The following PTBP3 variants were observed in gnomAD, a reference collection of about 807,000 sequenced individuals.
PTBP3 encodes the protein polypyrimidine tract binding protein 3, also known as polypyrimidine tract-binding protein 3.
PTBP3 carries 20 observed loss-of-function variants against 58.7 expected under a neutral mutation model. The ratio of observed to expected loss-of-function variants is 0.34; its 90% CI spans 0.24 to 0.50. PTBP3 has a LOEUF of 0.50. Ranked by LOEUF, PTBP3 falls within the 20% of genes least tolerant of loss-of-function variation. The pLI is 0.98. For synonymous variants in PTBP3, 185 were observed against 219.8 expected (o/e 0.84, Z 1.40); for missense variants, 509 against 637.2 (o/e 0.80, Z 2.17).
At chr9:112,355,941 C>CTTTTCTTTT in the PTBP3 span, among the ~76,000 whole-genome samples, 7 of 151,728 alleles carry the variant, frequency 4.6e-5, no homozygotes, top group Middle Eastern at 3.4e-3. Context: ...TCTTTCTTTT[C>CTTTTCTTTT]TTTTCTTTCT....
intron 7 of PTBP3, among the ~76,000 whole-genome samples, chr9:112,244,966 A>G (rs1294731810): frequency 6.6e-6 from 1 of 152,236 alleles, no homozygotes; most frequent in Non-Finnish European, 1.5e-5. Flanking sequence ...TAATGACAAA[A>G]GGAGACAACT....
chr9:112,224,098 T>C (rs767724691), intron 13 of PTBP3, 35 bp downstream of exon 13: 5 of 1,551,772 alleles, frequency 3.2e-6, no homozygotes, highest in Non-Finnish European at 3.5e-6. Flanking sequence ...CCATATTAAA[T>C]AATTTTAATG....
chr9:112,325,759 C>T (rs1372982526), intron 1 of PTBP3, among the ~76,000 whole-genome samples: 1 of 152,148 alleles, frequency 6.6e-6, no homozygotes, highest in Non-Finnish European at 1.5e-5. Flanking sequence ...CACGGTGGCT[C>T]ATGCCTGTAA....
At chr9:112,241,616 T>C (rs959193379) in intron 7 of PTBP3, among the ~76,000 whole-genome samples, 8 of 152,210 alleles carry the variant, frequency 5.3e-5, no homozygotes, top group Admixed American at 4.6e-4. Flanking sequence ...GTCTAGGTGT[T>C]TAGTAGGCTA....
At chr9:112,273,139 G>C (rs1353336730) in intron 3 of PTBP3, among the ~76,000 whole-genome samples, 1 of 152,172 alleles carries the variant, frequency 6.6e-6, no homozygotes, top group African/African-American at 2.4e-5. Context: ...AGTGATGTTA[G>C]CCATGTGACA....
chr9:112,233,387 T>C, intron 8 of PTBP3, among the ~76,000 whole-genome samples: 1 of 151,498 alleles, frequency 6.6e-6, no homozygotes, highest in East Asian at 1.9e-4. Context: ...TTTCTTAATA[T>C]TAATTAATAT....
At chr9:112,269,028 T>C (rs563400929) in intron 3 of PTBP3, among the ~76,000 whole-genome samples, 87 of 151,998 alleles carry the variant, frequency 5.7e-4, no homozygotes, top group Non-Finnish European at 6.2e-4. Context: ...AAACCCTGTC[T>C]CTACTAAAAC....
At chr9:112,376,362 T>A in the PTBP3 span, among the ~76,000 whole-genome samples, 1 of 149,592 alleles carries the variant, frequency 6.7e-6, no homozygotes, top group African/African-American at 2.5e-5. Context: ...CAAGCGATTC[T>A]CCTGCCTTAG....
intron 4 of PTBP3, 25 bp from the exon 5 acceptor site, chr9:112,262,624 C>CTTT: frequency 6.5e-7 from 1 of 1,527,892 alleles, no homozygotes; most frequent in Non-Finnish European, 8.8e-7. Context: ...AAAATGAGAA[C>CTTT]TTTTGATTAT....
chr9:112,292,603 G>A (rs1302701645), intron 2 of PTBP3, among the ~76,000 whole-genome samples: 1 of 152,126 alleles, frequency 6.6e-6, no homozygotes, highest in African/African-American at 2.4e-5. Flanking sequence ...CTACAAAAAA[G>A]GGAAACCCTT....
upstream of PTBP3, among the ~76,000 whole-genome samples, chr9:112,337,987 A>G (rs1830590053): frequency 6.6e-6 from 1 of 152,250 alleles, no homozygotes; most frequent in Non-Finnish European, 1.5e-5. Context: ...CAAATACAAA[A>G]TCATCATAAT....
intron 1 of PTBP3, among the ~76,000 whole-genome samples, chr9:112,313,539 C>G (rs1192693233): frequency 6.6e-6 from 1 of 152,188 alleles, no homozygotes; most frequent in Non-Finnish European, 1.5e-5. Context: ...CATGGCTTAG[C>G]TAGGTCCTCT....
chr9:112,222,363 A>T lies in PTBP3; in HGVS notation c.*1488T>A. 3 of 985,652 alleles carry T rather than the reference A, an allele frequency of 3.0e-6. No individual in the cohort carries two copies. Among genetic ancestry groups the T allele is most frequent in the Non-Finnish European group, 3.6e-6 (3 of 829,778 alleles). The allele number at this position is 985,652 out of a possible 1,614,324, so 61.1% of individuals were successfully genotyped here. ...TATGAGAAATAACCCACCTTCTCAT[A>T]CTCCAAATACGTGGGTACTCAGTAA... is the stretch of plus-strand genomic sequence containing the variant. On this transcript the variant is annotated 3_prime_UTR_variant, in exon 14 of 14. Transcript: ENST00000374257.
intron 2 of PTBP3, among the ~76,000 whole-genome samples, chr9:112,295,419 G>GA (rs36030832): frequency 0.83 from 118,699 of 142,476 alleles, 49,561 homozygotes; most frequent in African/African-American, 0.92. Context: ...AAGATTGGAG[G>GA]AAAAAAAAAA....
At chr9:112,362,539 T>C in the PTBP3 span, among the ~76,000 whole-genome samples, 3 of 152,250 alleles carry the variant, frequency 2.0e-5, no homozygotes, top group African/African-American at 4.8e-5. Context: ...TCTTCTTTTT[T>C]TTCCCTTCTG....
intron 2 of PTBP3, among the ~76,000 whole-genome samples, chr9:112,284,404 T>A (rs1389272582): frequency 1.3e-5 from 2 of 152,130 alleles, no homozygotes; most frequent in African/African-American, 4.8e-5. Flanking sequence ...AGCCTTAAGA[T>A]TTAATGACTG....
chr9:112,337,570 T>G (rs969749884), upstream of PTBP3, among the ~76,000 whole-genome samples: 5 of 152,232 alleles, frequency 3.3e-5, no homozygotes, highest in Admixed American at 3.3e-4. Context: ...TTCTATATAC[T>G]GGCTTCTTGA....
At chr9:112,311,906 G>A (rs1829495746) in intron 1 of PTBP3, among the ~76,000 whole-genome samples, 1 of 152,146 alleles carries the variant, frequency 6.6e-6, no homozygotes, top group South Asian at 2.1e-4. Flanking sequence ...CTAGGATCGT[G>A]CCTGTGAGTA....
chr9:112,298,335 T>C (rs764732755), intron 1 of PTBP3, among the ~76,000 whole-genome samples: 1 of 152,216 alleles, frequency 6.6e-6, no homozygotes, highest in Non-Finnish European at 1.5e-5. Context: ...ATACTTCATT[T>C]CCATACTGGC....
Sources: gnomAD v4.1 joint callset for allele counts (sites outside exome capture counted in the v4.1 genomes callset) on GRCh38, gnomAD v4.1.1 for gene constraint, MANE v1.5 for transcripts, NCBI Gene and HGNC (gene_info 2026-07-23, HGNC 2026-07-21) for gene names.